Variants in GAK observed in about 807,000 individuals in gnomAD.
GAK encodes cyclin-G-associated kinase.
A neutral mutation model predicts 143.9 loss-of-function variants in GAK; 79 were observed. The ratio of observed to expected loss-of-function variants is 0.55; its 90% CI spans 0.46 to 0.66. The LOEUF (loss-of-function observed/expected upper bound fraction) is 0.66, where lower values mean the gene tolerates loss of function less well. Among genes scored for constraint, GAK ranks in the 30% least tolerant of loss-of-function variants. The pLI, the probability that GAK is intolerant of heterozygous loss-of-function variation, is 0.00. For missense variants in GAK, 1,693 were observed against 1,779.7 expected, an observed-to-expected ratio of 0.95 and a Z score of 0.88; for synonymous variants, 881 against 765.5, an observed-to-expected ratio of 1.15 and a Z score of -2.49.
intron 23 of GAK, among the ~76,000 whole-genome samples, chr4:862,314 G>A (rs115550031): frequency 0.059 from 8,947 of 151,860 alleles, 505 homozygotes; most frequent in African/African-American, 0.15. Context: ...CTGATGAAGC[G>A]GCTGCACCCG....
chr4:877,586 G>T, intron 16 of GAK, 29 bp downstream of exon 16: 1 of 1,542,160 alleles, frequency 6.5e-7, no homozygotes, highest in Non-Finnish European at 8.8e-7. Flanking sequence ...GGAGGAGGGA[G>T]CACAGCGTGG....
At chr4:926,237 C>T (rs1724720331) in intron 1 of GAK, among the ~76,000 whole-genome samples, 2 of 152,206 alleles carry the variant, frequency 1.3e-5, no homozygotes, top group South Asian at 4.1e-4. Flanking sequence ...TGTATGTTAA[C>T]AGACAGAAAC....
intron 5 of GAK, among the ~76,000 whole-genome samples, chr4:903,642 G>A (rs1044497974): frequency 6.6e-6 from 1 of 151,252 alleles, no homozygotes; most frequent in Non-Finnish European, 1.5e-5. Flanking sequence ...ACACCACCAG[G>A]GGACTGAGGA....
intron 5 of GAK, among the ~76,000 whole-genome samples, chr4:903,896 G>A (rs1349774703): frequency 2.0e-5 from 3 of 152,262 alleles, no homozygotes; most frequent in Non-Finnish European, 4.4e-5. Context: ...AAGGCCCCCA[G>A]CAGGGAGGCG....
chr4:867,477 C>G (rs1751418923), intron 20 of GAK, 45 bp from the exon 21 acceptor site: 2 of 1,437,656 alleles, frequency 1.4e-6, no homozygotes, highest in Non-Finnish European at 1.9e-6. Flanking sequence ...ACCACACGGC[C>G]AGCACCAGGG....
At chr4:876,410 A>T in intron 18 of GAK, 120 bp downstream of exon 18, 1 of 825,694 alleles carries the variant, frequency 1.2e-6, no homozygotes, top group Non-Finnish European at 2.0e-6. Context: ...GCCCAGAGCC[A>T]CCAAGCAGCA....
Position 882,817 on chromosome 4 carries a change from G to T in GAK, c.1407C>A (p.Val469=). 1 of 1,609,260 alleles carries T rather than the reference G, an allele frequency of 6.2e-7. No homozygotes were observed. ...TYRPSRFHNR[V]SECGWAARRA... is the part of the protein sequence containing the mutation. ...GCCGTGCTGCCCAGCCACACTCGGA[G>T]ACCTGTGGGGACAGGGCACGGTGGC... The change falls in exon 14 of 28, where the codon GTC becomes GTA. Residue 469 remains valine, a splice_region_variant and synonymous_variant. Coordinates refer to ENST00000314167, the MANE Select transcript of GAK (RefSeq NM_005255.4).
chr4:913,150 G>A (rs73209872), intron 2 of GAK, among the ~76,000 whole-genome samples: 8,683 of 152,348 alleles, frequency 0.057, 373 homozygotes, highest in Middle Eastern at 0.19. Context: ...TCTCAAAGGC[G>A]GGGCCACCCT....
At chr4:864,998 C>T in intron 23 of GAK, 124 bp downstream of exon 23, 1 of 1,325,670 alleles carries the variant, frequency 7.5e-7, no homozygotes, top group Admixed American at 2.5e-5. Flanking sequence ...CACCACCAAG[C>T]ACGCCCCAGC....
At position 883,493 on chromosome 4, in the gene GAK, G is replaced by GGGAGATGCGCACCTC. The variant is rs748544078; in HGVS notation, c.1256-45_1256-31dup. On this transcript the variant is annotated intron_variant, in intron 12 of 27. Transcript: ENST00000314167. ...AACAAGCAGACCTGCGTCAGCACCT[G>GGGAGATGCGCACCTC]GGAGATGCGCACCTCGTGGCCAGGC... The GGGAGATGCGCACCTC allele has an allele frequency of 1.2e-5, 20 of 1,610,592 alleles. 1 individual carries two copies. Among genetic ancestry groups the GGGAGATGCGCACCTC allele is most frequent in the South Asian group, 1.1e-4 (10 of 90,976 alleles).
At chr4:850,851 G>A (rs914596920) in intron 26 of GAK, 85 bp downstream of exon 26, 17 of 1,450,024 alleles carry the variant, frequency 1.2e-5, no homozygotes, top group South Asian at 6.7e-5. Flanking sequence ...GTCTGGAGAC[G>A]CCGGCTCCAT....
chr4:919,276 G>A (rs1723552712), intron 1 of GAK, among the ~76,000 whole-genome samples: 1 of 146,396 alleles, frequency 6.8e-6, no homozygotes, highest in Non-Finnish European at 1.5e-5. Context: ...AAAGGCCTCA[G>A]TGCCGCATGA....
Position 890,655 on chromosome 4 carries a change from T to C in GAK, c.991-33A>G, listed in dbSNP as rs760491391. 4.5e-6 allele frequency: 7 copies of C among 1,565,572 alleles called. No individual in the cohort carries two copies. In the Admixed American group the frequency reaches 1.1e-4, roughly 24 times the overall value. ...AATGAAAATGCAGAGGTCAGTTCTC[T>C]AAACTGACAACTCACGCCTGCCCAC... On this transcript the variant is annotated intron_variant, in intron 9 of 27. Coordinates refer to ENST00000314167, the MANE Select transcript of GAK (RefSeq NM_005255.4).
chr4:864,286 A>G (rs577351586), intron 23 of GAK, among the ~76,000 whole-genome samples: 3 of 152,290 alleles, frequency 2.0e-5, no homozygotes, highest in South Asian at 4.1e-4. Context: ...GCTTGAGCCC[A>G]GGAGGTCAAT....
chr4:904,731 G>A lies in GAK; in HGVS notation c.431C>T (p.Ser144Leu), dbSNP rs768962219. ...GAAGATCTTCAGAACCGTGTCGCAC[G>A]AAAGGGGGCCTCGAGATTCCATTTT... ...LKKMESRGPLSCDTVLKIFYQ... is the reference protein window; with the variant it reads ...LKKMESRGPLLCDTVLKIFYQ... Residue 144 changes from serine (S) to leucine (L), a missense_variant, in exon 5 of 28, where the codon TCG becomes TTG. By Grantham distance (145) the Ser-to-Leu change is moderately radical. Around this residue, in one of 2 missense-constraint regions of GAK, gnomAD observed 871 missense variants for 991.0 expected, o/e 0.88. Transcript: ENST00000314167. 5.1e-5 allele frequency: 82 copies of A among 1,614,082 alleles called. No homozygotes were observed. The highest frequency in any genetic ancestry group is 2.8e-4 in the Admixed American group (17 of 60,002).
At chr4:911,581 G>A in intron 4 of GAK, 92 bp downstream of exon 4, 1 of 834,954 alleles carries the variant, frequency 1.2e-6, no homozygotes, top group South Asian at 1.4e-5. Context: ...AAGATGCCGG[G>A]CATGTTTCAC....
chr4:880,698 C>T (rs190627388), intron 15 of GAK, among the ~76,000 whole-genome samples: 5 of 152,348 alleles, frequency 3.3e-5, no homozygotes, highest in African/African-American at 1.2e-4. Flanking sequence ...CCTCCTCCCA[C>T]AGGCACCTGA....
At chr4:868,727 C>T (rs994494776) in intron 19 of GAK, 42 bp from the exon 20 acceptor site, 7 of 1,534,982 alleles carry the variant, frequency 4.6e-6, no homozygotes, top group Admixed American at 2.0e-5. Flanking sequence ...CACTGGCCAG[C>T]AGCCTCGGGG....
chr4:868,759 G>T (rs1273876935), intron 19 of GAK, 74 bp from the exon 20 acceptor site: 1 of 1,473,206 alleles, frequency 6.8e-7, no homozygotes, highest in Non-Finnish European at 9.1e-7. Flanking sequence ...CCAGAGCTGG[G>T]AAGTGCAGCC....
Sources: gnomAD v4.1 joint callset for allele counts (sites outside exome capture counted in the v4.1 genomes callset) on GRCh38, gnomAD v4.1.1 for gene constraint, gnomAD v4.1.1 regional missense constraint, MANE v1.5 for transcripts, NCBI Gene and HGNC (gene_info 2026-07-23, HGNC 2026-07-21) for gene names.